Variants in B3GAT2 observed in about 807,000 individuals in gnomAD.
B3GAT2 encodes the protein galactosylgalactosylxylosylprotein 3-beta-glucuronosyltransferase 2.
In B3GAT2, 26 loss-of-function variants were observed where a neutral mutation model predicts 27.8. The ratio of observed to expected loss-of-function variants is 0.93; its 90% CI spans 0.68 to 1.30. The LOEUF (loss-of-function observed/expected upper bound fraction) is 1.30. B3GAT2 is among the 50% of genes most tolerant of loss of function. B3GAT2 has a pLI of 0.00. For synonymous variants in B3GAT2, 218 were observed against 195.1 expected (o/e 1.12, Z -0.98); for missense variants, 458 against 459.0 (o/e 1.00, Z 0.02).
rs79005847 is a variant in B3GAT2 at position 70,931,821 on chromosome 6, G to T, written c.591+24018C>A. On this transcript the variant is annotated intron_variant, in intron 1 of 3. Transcript: ENST00000230053. ...TATTTCATCAAAAATAAAAACTATT[G>T]TGCAAAGAACACAATCAACAAAATA... is the stretch of plus-strand genomic sequence containing the variant. Among the ~76,000 whole-genome samples, 730 of 152,166 alleles carry T rather than the reference G, an allele frequency of 4.8e-3. 14 individuals are homozygous for T. The East Asian group carries it at 0.085, about 18-fold the overall frequency.
intron 2 of B3GAT2, among the ~76,000 whole-genome samples, chr6:70,877,782 A>G (rs1772038151): frequency 6.6e-6 from 1 of 152,204 alleles, no homozygotes; most frequent in Non-Finnish European, 1.5e-5. Context: ...ACAAAGGCAT[A>G]GATACCTGAG....
chr6:70,865,323 G>A lies in B3GAT2; in HGVS notation c.737-3345C>T, dbSNP rs556628032. Among the ~76,000 whole-genome samples the A allele has an allele frequency of 5.9e-5, 9 of 152,174 alleles. No individual in the cohort carries two copies. In the South Asian group the frequency reaches 1.7e-3, roughly 28 times the overall value. On this transcript the variant is annotated intron_variant, in intron 2 of 3. Transcript: ENST00000230053. ...AGCAGAGACGGGGTTTCACTATGTCGGCCAGGCTGGTCTTGAACTCCTGAC... is the reference window on the plus strand; with the variant it reads ...AGCAGAGACGGGGTTTCACTATGTCAGCCAGGCTGGTCTTGAACTCCTGAC...
At chr6:70,916,128 T>C (rs1187017812) in intron 1 of B3GAT2, among the ~76,000 whole-genome samples, 3 of 152,196 alleles carry the variant, frequency 2.0e-5, no homozygotes, top group African/African-American at 4.8e-5. Flanking sequence ...CCCTTGTAAG[T>C]TGGATTCCTA....
chr6:70,956,504 C>T lies in B3GAT2; in HGVS notation c.-75G>A. 1 of 1,541,854 alleles carries T rather than the reference C, an allele frequency of 6.5e-7. No homozygotes were observed. The highest frequency in any genetic ancestry group is 2.0e-5 in the Admixed American group (1 of 50,536). On this transcript the variant is annotated 5_prime_UTR_variant, in exon 1 of 4. Transcript: ENST00000230053. ...GGACCCCAGTGCGCAGCTTGGACAGCGGCGGCGCCAGCACTTAGGGAGTGG... is the reference window on the plus strand; with the variant it reads ...GGACCCCAGTGCGCAGCTTGGACAGTGGCGGCGCCAGCACTTAGGGAGTGG...
At chr6:70,902,664 A>G (rs970949050) in intron 1 of B3GAT2, among the ~76,000 whole-genome samples, 24 of 109,786 alleles carry the variant, frequency 2.2e-4, no homozygotes, top group Non-Finnish European at 4.5e-4. Flanking sequence ...ACACACACAC[A>G]CATATATATA....
rs1252525392 is a variant in B3GAT2, at chr6:70,861,925, G to A, written c.790C>T (p.Arg264Cys). ...TGCATCCCTGGCTGGGATCCACGAC[G>A]CTTAAATACAGCTTTTGGATTGGAC... ...ILSNPKAVFKRRGSQPGMQES... is the reference protein window; with the variant it reads ...ILSNPKAVFKCRGSQPGMQES... The change falls in exon 3 of 4, where the codon CGT becomes TGT. Residue 264 changes from arginine (R) to cysteine (C), a missense_variant. By Grantham distance (180) the Arg-to-Cys change is radical. Coordinates refer to ENST00000230053, the MANE Select transcript of B3GAT2 (RefSeq NM_080742.3). 1.4e-5 allele frequency: 23 copies of A among 1,613,688 alleles called. No individual in the cohort carries two copies. In the African/African-American group the frequency reaches 2.5e-4, roughly 18 times the overall value.
chr6:70,876,853 G>A (rs905450614), intron 2 of B3GAT2, among the ~76,000 whole-genome samples: 2 of 152,332 alleles, frequency 1.3e-5, no homozygotes, highest in African/African-American at 2.4e-5. Flanking sequence ...TATAAAAGGT[G>A]TAAGTAGAGA....
At position 70,926,937 on chromosome 6, in the gene B3GAT2, T is replaced by A. The variant is rs192236175; in HGVS notation, c.591+28902A>T. 3.6e-3 allele frequency among the ~76,000 whole-genome samples: 545 copies of A among 152,210 alleles called. 6 individuals are homozygous for A. Among genetic ancestry groups the A allele is most frequent in the African/African-American group, 0.012 (515 of 41,520 alleles). ...AGGGCAGCCAGAGAGAAAGGTCGGG[T>A]TACCCACAAAGGGAAGCCCATCAGA... On this transcript the variant is annotated intron_variant, in intron 1 of 3. Transcript: ENST00000230053.
chr6:70,885,846 T>C (rs764058713), intron 2 of B3GAT2, among the ~76,000 whole-genome samples: 2 of 152,162 alleles, frequency 1.3e-5, no homozygotes, highest in Non-Finnish European at 2.9e-5. Flanking sequence ...TTCCCCTAGA[T>C]CTTCAGGCTG....
Position 70,859,191 on chromosome 6 carries a change from T to C in B3GAT2, c.*2472A>G. 1.8e-6 allele frequency: 1 copy of C among 566,898 alleles called. No homozygotes were observed. The highest frequency in any genetic ancestry group is 3.1e-6 in the Non-Finnish European group (1 of 322,238). 35.1% of individuals were successfully genotyped at this position (566,898 alleles called of 1,614,324 possible). ...CATTTACAAGAATATAGGTAAAACATTGGTCTCTACCCGCTGGGAATCTAA... is the reference window on the plus strand; with the variant it reads ...CATTTACAAGAATATAGGTAAAACACTGGTCTCTACCCGCTGGGAATCTAA... On this transcript the variant is annotated 3_prime_UTR_variant, in exon 4 of 4. Coordinates refer to ENST00000230053, the MANE Select transcript of B3GAT2 (RefSeq NM_080742.3).
In B3GAT2 at chr6:70,945,004, C is replaced by T. The variant is rs978937859; in HGVS notation, c.591+10835G>A. On this transcript the variant is annotated intron_variant, in intron 1 of 3. Transcript: ENST00000230053. Reference sequence around the variant, plus strand: ...CTAGCAAACTCCAACAGACCTGCAGCTGAGGGTCCTGTCTGTTAGAAGGAA... The same window carrying T: ...CTAGCAAACTCCAACAGACCTGCAGTTGAGGGTCCTGTCTGTTAGAAGGAA... 4.8e-4 allele frequency among the ~76,000 whole-genome samples: 73 copies of T among 152,184 alleles called. 2 individuals carry two copies. Among genetic ancestry groups the T allele is most frequent in the African/African-American group, 1.6e-3 (66 of 41,442 alleles).
chr6:70,922,120 G>A (rs6907179), intron 1 of B3GAT2, among the ~76,000 whole-genome samples: 35,366 of 151,900 alleles, frequency 0.23, 4,390 homozygotes, highest in Non-Finnish European at 0.28. Flanking sequence ...CTGTGGGAGC[G>A]GGGTGCCTGA....
rs1771546544 is a variant in B3GAT2, at chr6:70,858,536, G to GA, written c.*3126dup. 1 of 214,046 alleles carries GA rather than the reference G, an allele frequency of 4.7e-6. No homozygotes were observed. The highest frequency in any genetic ancestry group is 2.3e-5 in the African/African-American group (1 of 42,658). 13.3% of individuals were successfully genotyped at this position (214,046 alleles called of 1,614,324 possible). ...GGCCAGAAATTATCTCAGGCATCAT[G>GA]AGACTCCCTCTCTGTCACCTCTGAG... On this transcript the variant is annotated 3_prime_UTR_variant, in exon 4 of 4. Coordinates refer to ENST00000230053, the MANE Select transcript of B3GAT2 (RefSeq NM_080742.3).
At chr6:70,933,927 G>A (rs1370392289) in intron 1 of B3GAT2, among the ~76,000 whole-genome samples, 1 of 152,192 alleles carries the variant, frequency 6.6e-6, no homozygotes, top group Non-Finnish European at 1.5e-5. Context: ...AGAACCATAT[G>A]TATTATTATC....
intron 2 of B3GAT2, among the ~76,000 whole-genome samples, chr6:70,891,311 T>C (rs989344011): frequency 3.9e-5 from 6 of 152,220 alleles, no homozygotes; most frequent in Admixed American, 3.9e-4. Context: ...GCATATTAAT[T>C]TTTTTAAGTA....
At chr6:70,938,968 C>G (rs993167569) in intron 1 of B3GAT2, among the ~76,000 whole-genome samples, 5 of 151,768 alleles carry the variant, frequency 3.3e-5, no homozygotes, top group African/African-American at 1.2e-4. Context: ...AGGCAACCTA[C>G]AAAATGGGAG....
intron 2 of B3GAT2, among the ~76,000 whole-genome samples, chr6:70,878,872 C>T (rs571121147): frequency 6.6e-6 from 1 of 152,104 alleles, no homozygotes; most frequent in African/African-American, 2.4e-5. Flanking sequence ...TGCCCCCCCT[C>T]CCCCTTACCT....
At chr6:70,926,627 A>G (rs1582385364) in intron 1 of B3GAT2, among the ~76,000 whole-genome samples, 1 of 152,218 alleles carries the variant, frequency 6.6e-6, no homozygotes, top group South Asian at 2.1e-4. Flanking sequence ...GTTTAGAGAC[A>G]AAAGAGTAAA....
Position 70,859,690 on chromosome 6 carries a change from T to G in B3GAT2, c.*1973A>C, listed in dbSNP as rs755400768. 2.6e-5 allele frequency: 6 copies of G among 227,842 alleles called. No individual in the cohort carries two copies. Among genetic ancestry groups the G allele is most frequent in the Non-Finnish European group, 5.1e-5 (6 of 118,196 alleles). The allele number at this position is 227,842 out of a possible 1,614,324, so 14.1% of individuals were successfully genotyped here. A position where few individuals can be genotyped will look rare whatever the true frequency, so the allele number is the denominator to read the frequency against. ...TCTTGAAGAAAAATACATGTAATCT[T>G]ATGCTTTATTGCATACAATGAAAAT... On this transcript the variant is annotated 3_prime_UTR_variant, in exon 4 of 4. Coordinates refer to ENST00000230053, the MANE Select transcript of B3GAT2 (RefSeq NM_080742.3).
Sources: gnomAD v4.1 joint callset for allele counts (sites outside exome capture counted in the v4.1 genomes callset) on GRCh38, gnomAD v4.1.1 for gene constraint, MANE v1.5 for transcripts, NCBI Gene and HGNC (gene_info 2026-07-23, HGNC 2026-07-21) for gene names.